The following CHRNA5 variants were observed in gnomAD, a reference collection of about 807,000 sequenced individuals.
CHRNA5 encodes neuronal acetylcholine receptor subunit alpha-5.
CHRNA5 carries 28 observed loss-of-function variants against 41.2 expected under a neutral mutation model. The observed-to-expected ratio is 0.68, with a 90% CI of 0.50 to 0.93. The LOEUF (loss-of-function observed/expected upper bound fraction) is 0.93, where lower values mean the gene tolerates loss of function less well. Ranked by LOEUF, CHRNA5 falls within the 40% of genes least tolerant of loss-of-function variation. The pLI, the probability that CHRNA5 is intolerant of heterozygous loss-of-function variation, is 0.00. For missense variants in CHRNA5, 481 were observed against 581.9 expected (o/e 0.83, Z 1.78); for synonymous variants, 188 against 205.8 (o/e 0.91, Z 0.74).
rs1596064025 is a variant in CHRNA5, at chr15:78,590,036, TGG to T, written c.646_647del (p.Gly216ArgfsTer62). On this transcript the variant is annotated frameshift_variant, in exon 5 of 6. Transcript: ENST00000299565. LOFTEE classifies it high-confidence loss of function. ...TAGACAAGAGAGATTTTTTTGATAA[TGG>T]AGAATGGGAGATTGTGAGTGCAACA... 1 of 1,614,144 alleles carries T rather than the reference TGG, an allele frequency of 6.2e-7. No individual in the cohort carries two copies. The highest frequency in any genetic ancestry group is 2.2e-5 in the East Asian group (1 of 44,884).
chr15:78,578,402 G>A (rs1364020285), intron 1 of CHRNA5, among the ~76,000 whole-genome samples: 1 of 152,214 alleles, frequency 6.6e-6, no homozygotes, highest in African/African-American at 2.4e-5. Flanking sequence ...CTGCTGTTCG[G>A]GAGGCTGAGA....
At chr15:78,576,371 C>T (rs2052856748) in intron 1 of CHRNA5, among the ~76,000 whole-genome samples, 1 of 152,204 alleles carries the variant, frequency 6.6e-6, no homozygotes. Flanking sequence ...GTCTCGAACT[C>T]CTGGCCTCAA....
intron 2 of CHRNA5, among the ~76,000 whole-genome samples, chr15:78,582,062 C>A (rs1311941029): frequency 6.6e-6 from 1 of 152,158 alleles, no homozygotes; most frequent in East Asian, 1.9e-4. Flanking sequence ...AAAGGATATA[C>A]CTTTTTCAAA....
intron 1 of CHRNA5, among the ~76,000 whole-genome samples, chr15:78,568,912 A>G (rs2070386472): frequency 6.6e-6 from 1 of 152,196 alleles, no homozygotes; most frequent in Non-Finnish European, 1.5e-5. Context: ...GGAAAATGAA[A>G]TAATTCATAG....
chr15:78,593,102 A>G (rs754450688), exon 6 of CHRNA5: 1 of 1,605,596 alleles, frequency 6.2e-7, no homozygotes, highest in East Asian at 2.2e-5. Flanking sequence ...GTTGTTGAAG[A>G]TTGGAAATTC....
chr15:78,582,347 G>A (rs1179780398), intron 2 of CHRNA5, among the ~76,000 whole-genome samples: 7 of 152,004 alleles, frequency 4.6e-5, no homozygotes, highest in South Asian at 2.1e-4. Flanking sequence ...TTAGCTGGGC[G>A]GTGGTCCGTG....
intron 1 of CHRNA5, among the ~76,000 whole-genome samples, chr15:78,575,096 C>T (rs2052845172): frequency 6.6e-6 from 1 of 151,978 alleles, no homozygotes; most frequent in Admixed American, 6.6e-5. Context: ...CTTTCCTTTT[C>T]ACCATACTAA....
chr15:78,588,296 G>A lies in CHRNA5; in HGVS notation c.304-18G>A. On this transcript the variant is annotated intron_variant, in intron 3 of 5. Coordinates refer to ENST00000299565, the Ensembl canonical transcript of CHRNA5. The surrounding 1 kb of genome is among the most constrained non-coding windows in gnomAD (Gnocchi z 4.1). ...TATTAGTTTTATTGAAATTGAGGCA[G>A]ATTTCTTTGTTTTAAAGGAATGGAT... The A allele has an allele frequency of 1.5e-6, 2 of 1,321,180 alleles. No individual in the cohort carries two copies. Among genetic ancestry groups the A allele is most frequent in the South Asian group, 1.3e-5 (1 of 75,160 alleles). 81.8% of individuals were successfully genotyped at this position (1,321,180 alleles called of 1,614,324 possible).
chr15:78,577,252 C>G (rs1252097734), intron 1 of CHRNA5, among the ~76,000 whole-genome samples: 1 of 152,162 alleles, frequency 6.6e-6, no homozygotes, highest in African/African-American at 2.4e-5. Context: ...TACGTATATC[C>G]TGATTTGTAA....
At chr15:78,585,231 T>C (rs2052948192) in intron 2 of CHRNA5, among the ~76,000 whole-genome samples, 2 of 152,092 alleles carry the variant, frequency 1.3e-5, no homozygotes, top group South Asian at 4.1e-4. Flanking sequence ...AGTGTTTTAA[T>C]CAAGGAAAAT....
exon 5 of CHRNA5, chr15:78,590,630 C>T (rs867769219): frequency 6.2e-7 from 1 of 1,607,110 alleles, no homozygotes; most frequent in Non-Finnish European, 8.5e-7. Context: ...AAAATGATGT[C>T]CGTGAGGTCT....
chr15:78,590,501 A>G (rs1196970556), exon 5 of CHRNA5: 1 of 1,614,126 alleles, frequency 6.2e-7, no homozygotes, highest in Non-Finnish European at 8.5e-7. Context: ...GAAGTCATGT[A>G]GACAGGTACT....
At chr15:78,577,619 G>GC (rs1398313841) in intron 1 of CHRNA5, among the ~76,000 whole-genome samples, 1 of 152,120 alleles carries the variant, frequency 6.6e-6, no homozygotes, top group Non-Finnish European at 1.5e-5. Flanking sequence ...CTCAGGCAAA[G>GC]GTTCCTTTAG....
chr15:78,566,096 C>A (rs1025903586), intron 1 of CHRNA5, among the ~76,000 whole-genome samples: 1 of 152,176 alleles, frequency 6.6e-6, no homozygotes, highest in Non-Finnish European at 1.5e-5. Context: ...TACTTCCACA[C>A]AACTTTTTCA....
At chr15:78,566,197 C>T (rs1219732248) in intron 1 of CHRNA5, among the ~76,000 whole-genome samples, 1 of 152,088 alleles carries the variant, frequency 6.6e-6, no homozygotes, top group Non-Finnish European at 1.5e-5. Context: ...GATATAGAGA[C>T]TCTGGGGTTC....
intron 3 of CHRNA5, among the ~76,000 whole-genome samples, 162 bp downstream of exon 3, chr15:78,586,851 T>C (rs907292271): frequency 1.3e-5 from 2 of 152,092 alleles, no homozygotes; most frequent in African/African-American, 4.8e-5. Flanking sequence ...AAGATGAGGG[T>C]AGATGGAGTT....
At chr15:78,590,059 C>A in exon 5 of CHRNA5, 1 of 1,614,146 alleles carries the variant, frequency 6.2e-7, no homozygotes, top group Non-Finnish European at 8.5e-7. Flanking sequence ...ATTGTGAGTG[C>A]AACAGGGAGC....
At chr15:78,593,517 C>A in exon 6 of CHRNA5, 1 of 246,088 alleles carries the variant, frequency 4.1e-6, no homozygotes, top group Non-Finnish European at 7.7e-6. Flanking sequence ...TATTTGTATC[C>A]TGGCAAATAA....
At chr15:78,567,792 T>C (rs2052763682) in intron 1 of CHRNA5, among the ~76,000 whole-genome samples, 1 of 152,200 alleles carries the variant, frequency 6.6e-6, no homozygotes. Context: ...ACCTTGAAAA[T>C]TATAAGATTC....
Sources: allele counts gnomAD v4.1 joint callset (sites outside exome capture counted in the v4.1 genomes callset), GRCh38; gene constraint gnomAD v4.1.1; non-coding constraint Gnocchi (gnomAD v3.1); transcripts MANE v1.5; gene names NCBI Gene and HGNC (gene_info 2026-07-23, HGNC 2026-07-21).